The following EPHX2 variants were observed in gnomAD, a reference collection of about 807,000 sequenced individuals.
EPHX2 encodes the protein bifunctional epoxide hydrolase 2.
A neutral mutation model predicts 78.7 loss-of-function variants in EPHX2; 74 were observed. That is an observed-to-expected ratio of 0.94 (90% CI 0.78 to 1.14). EPHX2 has a LOEUF of 1.14. Ranked by LOEUF, EPHX2 falls within the 50% of genes most tolerant of loss-of-function variation. EPHX2 has a pLI of 0.00. For missense variants in EPHX2, 715 were observed against 702.5 expected (o/e 1.02, Z -0.20); for synonymous variants, 251 against 255.2 (o/e 0.98, Z 0.16).
chr8:27,533,217 T>C (rs1815103285), intron 12 of EPHX2, among the ~76,000 whole-genome samples: 1 of 152,226 alleles, frequency 6.6e-6, no homozygotes, highest in Non-Finnish European at 1.5e-5. Flanking sequence ...CATTTAATCC[T>C]TACAAAATCC....
chr8:27,547,596 A>G (rs1175366290), downstream of EPHX2, among the ~76,000 whole-genome samples: 1 of 152,192 alleles, frequency 6.6e-6, no homozygotes, highest in Non-Finnish European at 1.5e-5. Context: ...TATTTAAAAC[A>G]ATGTATCATT....
chr8:27,521,446 G>A (rs1814645090), intron 10 of EPHX2, among the ~76,000 whole-genome samples: 1 of 152,160 alleles, frequency 6.6e-6, no homozygotes, highest in Non-Finnish European at 1.5e-5. Context: ...GGACGGAGGG[G>A]TCAGGCCCAG....
chr8:27,525,095 T>TGCGC (rs1248050751), intron 11 of EPHX2, among the ~76,000 whole-genome samples: 1 of 146,680 alleles, frequency 6.8e-6, no homozygotes, highest in African/African-American at 2.6e-5. Flanking sequence ...TGTGTGTGTG[T>TGCGC]GTGTGTGTGT....
In EPHX2 at chr8:27,511,862, G is replaced by A. The variant is rs72475822; in HGVS notation, c.687G>A (p.Pro229=). Residue 229 remains proline, a synonymous_variant, in exon 6 of 19, where the codon CCG becomes CCA. Transcript: ENST00000521400. ...TTCTCAATACCCCGGCCCCTCTGCC[G>A]ACCTCTTGCAATCCAAGTGACATGA... ...IQLLNTPAPL[P]TSCNPSDMSH... 1,547 of 1,614,020 alleles carry A rather than the reference G, an allele frequency of 9.6e-4. 8 individuals carry two copies. The African/African-American group carries it at 0.013, about 13-fold the overall frequency.
At chr8:27,527,204 G>C (rs1007748012) in intron 12 of EPHX2, among the ~76,000 whole-genome samples, 1 of 151,920 alleles carries the variant, frequency 6.6e-6, no homozygotes, top group Non-Finnish European at 1.5e-5. Context: ...TGATCTGCCC[G>C]CCTCGGCCTC....
chr8:27,522,483 G>C lies in EPHX2; in HGVS notation c.1033G>C (p.Ala345Pro), dbSNP rs1814684976. The C allele has an allele frequency of 6.2e-7, 1 of 1,614,084 alleles. No individual in the cohort carries two copies. Among genetic ancestry groups the C allele is most frequent in the African/African-American group, 1.3e-5 (1 of 75,022 alleles). ...DWGGMLVWYM[A>P]LFYPERVRAV... is the part of the protein sequence containing the mutation. ...GGGTGGCATGCTGGTGTGGTACATG[G>C]CTCTCTTCTACCCCGAGAGAGTGAG... is the stretch of plus-strand genomic sequence containing the variant. Residue 345 changes from alanine to proline, a missense_variant, in exon 11 of 19, where the codon GCT (alanine) becomes CCT (proline). Coordinates refer to ENST00000521400, the MANE Select transcript of EPHX2 (RefSeq NM_001979.6).
chr8:27,512,121 A>ACCAGCAGT (rs1814275091), intron 6 of EPHX2: 2 of 500,474 alleles, frequency 4.0e-6, no homozygotes, highest in South Asian at 5.1e-5. Flanking sequence ...AAAAAAAAGG[A>ACCAGCAGT]CCAGCAGTGA....
chr8:27,533,783 G>A (rs1159991165), intron 12 of EPHX2, among the ~76,000 whole-genome samples: 6 of 152,046 alleles, frequency 3.9e-5, no homozygotes, highest in Non-Finnish European at 8.8e-5. Flanking sequence ...TAGAGTCAGG[G>A]TCTCTACTGT....
Position 27,544,580 on chromosome 8 carries a change from A to G in EPHX2, c.*58A>G. The stretch of plus-strand genomic sequence containing the variant: ...CCATCCTTCCACCTGCTGGGGCACC[A>G]TTCTTAGTATACAGAGGTGGCCTTA... On this transcript the variant is annotated 3_prime_UTR_variant, in exon 19 of 19. Coordinates refer to ENST00000521400, the MANE Select transcript of EPHX2 (RefSeq NM_001979.6). 2 of 1,569,450 alleles carry G rather than the reference A, an allele frequency of 1.3e-6. No homozygotes were observed. Among genetic ancestry groups the G allele is most frequent in the South Asian group, 1.1e-5 (1 of 90,120 alleles).
downstream of EPHX2, among the ~76,000 whole-genome samples, chr8:27,546,985 A>G (rs944600846): frequency 2.6e-5 from 4 of 152,196 alleles, no homozygotes; most frequent in Admixed American, 2.0e-4. Context: ...TGTCTAGAAC[A>G]GGAGGGAGAG....
Position 27,491,325 on chromosome 8 carries a change from G to C in EPHX2, c.101+16G>C, listed in dbSNP as rs2132699414. ...CGCTGCCCAGGTAAGGGGGCCCAGC[G>C]CCGCCGCCGCAGTGGGTCGGGGCCT... On this transcript the variant is annotated intron_variant, in intron 1 of 18. Transcript: ENST00000521400. 1 of 1,462,298 alleles carries C rather than the reference G, an allele frequency of 6.8e-7. No homozygotes were observed. The highest frequency in any genetic ancestry group is 8.9e-7 in the Non-Finnish European group (1 of 1,117,322). 90.6% of individuals were successfully genotyped at this position (1,462,298 alleles called of 1,614,324 possible).
rs529081318 is a variant in EPHX2 at position 27,537,797 on chromosome 8, G to T, written c.1243-862G>T. ...CTCCCTCTCGCAAACTCTGTTATTGGATGTTTTTGGGGAGTCGTATTTACT... is the reference window on the plus strand; with the variant it reads ...CTCCCTCTCGCAAACTCTGTTATTGTATGTTTTTGGGGAGTCGTATTTACT... On this transcript the variant is annotated intron_variant, in intron 13 of 18. Coordinates refer to ENST00000521400, the MANE Select transcript of EPHX2 (RefSeq NM_001979.6). 9.0e-4 allele frequency among the ~76,000 whole-genome samples: 137 copies of T among 151,898 alleles called. 1 individual carries two copies. The highest frequency in any genetic ancestry group is 3.2e-3 in the African/African-American group (132 of 41,392).
chr8:27,493,446 G>A (rs528600788), intron 1 of EPHX2, among the ~76,000 whole-genome samples: 46 of 152,248 alleles, frequency 3.0e-4, no homozygotes, highest in Non-Finnish European at 6.0e-4. Flanking sequence ...TGGGATTGTA[G>A]AGTAAGGATA....
intron 5 of EPHX2, among the ~76,000 whole-genome samples, chr8:27,510,560 T>C (rs149844131): frequency 1.4e-4 from 22 of 152,184 alleles, no homozygotes; most frequent in African/African-American, 4.8e-4. Flanking sequence ...TACCTCAGGA[T>C]GTGACTGGGT....
chr8:27,513,091 G>C (rs138356024), intron 6 of EPHX2, among the ~76,000 whole-genome samples: 10 of 152,138 alleles, frequency 6.6e-5, no homozygotes, highest in African/African-American at 2.4e-4. Flanking sequence ...TCACAACCTC[G>C]GTGGTTTGGT....
At chr8:27,520,933 A>C in intron 10 of EPHX2, 24 bp downstream of exon 10, 1 of 1,613,720 alleles carries the variant, frequency 6.2e-7, no homozygotes, top group Non-Finnish European at 8.5e-7. Flanking sequence ...TTGAACTGAT[A>C]TCTTTGGAGA....
At chr8:27,538,553 T>G in intron 13 of EPHX2, 106 bp from the exon 14 acceptor site, 3 of 1,042,216 alleles carry the variant, frequency 2.9e-6, no homozygotes, top group Non-Finnish European at 2.8e-6. Context: ...GGTTTTCAGA[T>G]GAGCATATTT....
intron 12 of EPHX2, among the ~76,000 whole-genome samples, chr8:27,525,820 G>A (rs1222180915): frequency 1.3e-5 from 2 of 152,190 alleles, no homozygotes. Context: ...TGGCACCAGG[G>A]TCTAAGAGTC....
chr8:27,516,051 G>A (rs575276821), intron 7 of EPHX2, among the ~76,000 whole-genome samples: 1 of 152,338 alleles, frequency 6.6e-6, no homozygotes, highest in African/African-American at 2.4e-5. Flanking sequence ...CCCCCTGCTG[G>A]GAAGTCTCTG....
Sources: gnomAD v4.1 joint callset for allele counts (sites outside exome capture counted in the v4.1 genomes callset) on GRCh38, gnomAD v4.1.1 for gene constraint, MANE v1.5 for transcripts, NCBI Gene and HGNC (gene_info 2026-07-23, HGNC 2026-07-21) for gene names.